The following NRG2 variants were observed in gnomAD, a reference collection of about 807,000 sequenced individuals.
The protein encoded by NRG2 is pro-neuregulin-2, membrane-bound isoform.
Under a neutral mutation model 73.9 loss-of-function variants are expected in NRG2, and 27 were observed. That is an observed-to-expected ratio of 0.37 (90% CI 0.27 to 0.50). The LOEUF is 0.50. Ranked by LOEUF, NRG2 falls within the 20% of genes least tolerant of loss-of-function variation. The pLI, the probability that NRG2 is intolerant of heterozygous loss-of-function variation, is 0.96. For missense variants in NRG2, 1,126 were observed against 1,210.1 expected (o/e 0.93, Z 1.03); for synonymous variants, 532 against 541.0 (o/e 0.98, Z 0.23).
chr5:139,945,125 T>C (rs551440629), intron 1 of NRG2, among the ~76,000 whole-genome samples: 70 of 152,116 alleles, frequency 4.6e-4, no homozygotes, highest in Non-Finnish European at 8.7e-4. Flanking sequence ...TGTTGAGGTG[T>C]TTGAGTTTCT....
At chr5:139,875,778 C>T (rs982421204) in intron 3 of NRG2, among the ~76,000 whole-genome samples, 2 of 152,060 alleles carry the variant, frequency 1.3e-5, no homozygotes, top group African/African-American at 2.4e-5. Flanking sequence ...CATACACATA[C>T]GCACACACTC....
intron 1 of NRG2, among the ~76,000 whole-genome samples, chr5:139,976,234 A>T (rs1361076773): frequency 2.6e-5 from 4 of 152,190 alleles, no homozygotes; most frequent in Non-Finnish European, 5.9e-5. Flanking sequence ...GCCTCCCACC[A>T]CTTTAAATGA....
chr5:139,982,745 C>G (rs1398267962), intron 1 of NRG2, among the ~76,000 whole-genome samples: 1 of 152,180 alleles, frequency 6.6e-6, no homozygotes, highest in African/African-American at 2.4e-5. Context: ...CTTCCCATTC[C>G]CCCGCAAGGC....
intron 1 of NRG2, among the ~76,000 whole-genome samples, chr5:139,957,643 C>G (rs1233626515): frequency 1.3e-5 from 2 of 152,156 alleles, no homozygotes; most frequent in South Asian, 2.1e-4. Context: ...GTAGGGGGAG[C>G]CTCTTTCCTG....
At chr5:139,922,546 T>C (rs1751752145) in intron 1 of NRG2, among the ~76,000 whole-genome samples, 1 of 152,228 alleles carries the variant, frequency 6.6e-6, no homozygotes, top group Admixed American at 6.5e-5. Flanking sequence ...TTTAGCCATT[T>C]CTTATAAAAC....
chr5:139,883,920 CAGG>C (rs758049581), intron 2 of NRG2, among the ~76,000 whole-genome samples: 8 of 152,154 alleles, frequency 5.3e-5, no homozygotes, highest in Non-Finnish European at 1.0e-4. Context: ...CCATAATACC[CAGG>C]AGGAGAAGAC....
intron 1 of NRG2, among the ~76,000 whole-genome samples, chr5:140,028,573 C>T (rs1760886129): frequency 6.6e-6 from 1 of 152,110 alleles, no homozygotes; most frequent in South Asian, 2.1e-4. Flanking sequence ...GACGATGAGA[C>T]CCTGGCTCCT....
Position 139,871,820 on chromosome 5 carries a change from C to A in NRG2, c.1013G>T (p.Trp338Leu). 6.2e-7 allele frequency: 1 copy of A among 1,614,048 alleles called. No homozygotes were observed. Among genetic ancestry groups the A allele is most frequent in the Non-Finnish European group, 8.5e-7 (1 of 1,179,960 alleles). ...VNSVSTTLSS[W>L]SGHARKCNET... Reference sequence around the variant, plus strand: ...GTTGCACTTCCGGGCGTGCCCCGACCAGGATGACAGGGTGGTGCTCACTGA... The same window carrying A: ...GTTGCACTTCCGGGCGTGCCCCGACAAGGATGACAGGGTGGTGCTCACTGA... Residue 338 changes from tryptophan to leucine, a missense_variant, in exon 4 of 10, where the codon TGG becomes TTG. Physicochemically the swap from Trp to Leu is moderately conservative, Grantham distance 61. This residue lies in a region of NRG2 where 539 missense variants were observed against 703.2 expected (regional missense o/e 0.77). Transcript: ENST00000361474.
intron 1 of NRG2, among the ~76,000 whole-genome samples, chr5:140,033,798 A>T (rs1316558245): frequency 6.6e-6 from 1 of 152,190 alleles, no homozygotes; most frequent in East Asian, 1.9e-4. Flanking sequence ...AATAATTAAC[A>T]TTTTTCAATC....
At position 139,873,913 on chromosome 5, in the gene NRG2, CA is replaced by C. The variant is rs1405017270; in HGVS notation, c.992-2073del. Among the ~76,000 whole-genome samples the C allele has an allele frequency of 3.3e-5, 5 of 152,240 alleles. No homozygotes were observed. In the South Asian group the frequency reaches 8.3e-4, roughly 25 times the overall value. ...AAGATGGGGCCTCCCCAGCCGAATGCATTGAGCCTGCGCTGCCAGTATCATG... is the reference window on the plus strand; with the variant it reads ...AAGATGGGGCCTCCCCAGCCGAATGCTTGAGCCTGCGCTGCCAGTATCATG... On this transcript the variant is annotated intron_variant, in intron 3 of 9. Transcript: ENST00000361474.
intron 1 of NRG2, among the ~76,000 whole-genome samples, chr5:140,002,572 A>G (rs1758572439): frequency 6.6e-6 from 1 of 152,220 alleles, no homozygotes; most frequent in Admixed American, 6.5e-5. Context: ...AGTAAGGGCC[A>G]AGTCGGAGAA....
At chr5:139,907,557 T>C (rs933963843) in intron 1 of NRG2, among the ~76,000 whole-genome samples, 1 of 152,100 alleles carries the variant, frequency 6.6e-6, no homozygotes, top group African/African-American at 2.4e-5. Flanking sequence ...AACTGGGGGA[T>C]TGCAGCCAGA....
chr5:139,974,859 T>C (rs1254151989), intron 1 of NRG2, among the ~76,000 whole-genome samples: 1 of 152,208 alleles, frequency 6.6e-6, no homozygotes, highest in East Asian at 1.9e-4. Flanking sequence ...TCCACAGCTT[T>C]AGACTACTTC....
At chr5:139,971,672 T>C (rs1004683424) in intron 1 of NRG2, among the ~76,000 whole-genome samples, 1 of 152,186 alleles carries the variant, frequency 6.6e-6, no homozygotes, top group African/African-American at 2.4e-5. Context: ...ATCCCATTAG[T>C]AATATCAATA....
Position 139,954,980 on chromosome 5 carries a change from T to G in NRG2, c.701-67469A>C, listed in dbSNP as rs1754508619. Among the ~76,000 whole-genome samples, 1 of 152,222 alleles carries G rather than the reference T, an allele frequency of 6.6e-6. No individual in the cohort carries two copies. Among genetic ancestry groups the G allele is most frequent in the South Asian group, 2.1e-4 (1 of 4,830 alleles). ...TGTCCCTGACCTGCCCACTCACGAT[T>G]GTCATCACCCTTCTTCTTGCATTTG... is the stretch of plus-strand genomic sequence containing the variant. On this transcript the variant is annotated intron_variant, in intron 1 of 9. Coordinates refer to ENST00000361474, the MANE Select transcript of NRG2 (RefSeq NM_004883.3). The surrounding 1 kb of genome is among the most constrained non-coding windows in gnomAD (Gnocchi z 5.0).
intron 1 of NRG2, among the ~76,000 whole-genome samples, chr5:139,976,015 GAAC>G (rs1348289761): frequency 6.6e-6 from 1 of 152,152 alleles, no homozygotes; most frequent in Non-Finnish European, 1.5e-5. Flanking sequence ...TTTAATCTAA[GAAC>G]AACTCCATGA....
In NRG2 at chr5:139,861,447, C is replaced by T. The variant is rs1298365925; in HGVS notation, c.1189+4102G>A. On this transcript the variant is annotated intron_variant, in intron 5 of 9. Coordinates refer to ENST00000361474, the MANE Select transcript of NRG2 (RefSeq NM_004883.3). ...AAAGGGCGGGAGAGCAGCATGGCTC[C>T]GAGCCAGGGACTGTGATGGCTCTGA... Among the ~76,000 whole-genome samples the T allele has an allele frequency of 4.6e-5, 7 of 152,292 alleles. No individual in the cohort carries two copies. In the East Asian group the frequency reaches 5.8e-4, roughly 13 times the overall value.
intron 1 of NRG2, among the ~76,000 whole-genome samples, chr5:139,930,224 G>A (rs1752368733): frequency 6.6e-6 from 1 of 152,188 alleles, no homozygotes; most frequent in South Asian, 2.1e-4. Flanking sequence ...CAACAAATGT[G>A]CTGTTTCCTA....
intron 1 of NRG2, among the ~76,000 whole-genome samples, chr5:140,005,381 G>A (rs780321941): frequency 5.3e-5 from 8 of 152,164 alleles, no homozygotes; most frequent in Admixed American, 2.6e-4. Flanking sequence ...CCTCAGCAGC[G>A]TGGCAAAACC....
Sources: gnomAD v4.1 joint callset for allele counts (sites outside exome capture counted in the v4.1 genomes callset) on GRCh38, gnomAD v4.1.1 for gene constraint, gnomAD v4.1.1 regional missense constraint, Gnocchi (gnomAD v3.1) non-coding constraint, MANE v1.5 for transcripts, NCBI Gene and HGNC (gene_info 2026-07-23, HGNC 2026-07-21) for gene names.